Variants in PDE1A observed in about 807,000 individuals in gnomAD.
PDE1A encodes the protein dual specificity calcium/calmodulin-dependent 3',5'-cyclic nucleotide phosphodiesterase 1A.
PDE1A carries 35 observed loss-of-function variants against 61.7 expected under a neutral mutation model. The observed-to-expected ratio is 0.57, with a 90% confidence interval of 0.43 to 0.75. PDE1A has a LOEUF of 0.75. PDE1A is among the 30% of genes least tolerant of loss of function. The pLI is 0.00. For missense variants in PDE1A, 597 were observed against 630.6 expected, an observed-to-expected ratio of 0.95 and a Z score of 0.57; for synonymous variants, 232 against 213.2, an observed-to-expected ratio of 1.09 and a Z score of -0.77.
Position 182,250,188 on chromosome 2 carries a change from C to T in PDE1A, c.168-9896G>A, listed in dbSNP as rs537056856. ...TCTCTATCTCCTCTCTGCCTTGAAA[C>T]TTATGGTTAAAAAGAATTGATCTTA... On this transcript the variant is annotated intron_variant, in intron 2 of 13. Coordinates refer to ENST00000351439, the Ensembl canonical transcript of PDE1A. 2.0e-5 allele frequency among the ~76,000 whole-genome samples: 3 copies of T among 152,286 alleles called. No individual in the cohort carries two copies. The South Asian group carries it at 6.2e-4, about 32-fold the overall frequency.
the PDE1A span, among the ~76,000 whole-genome samples, chr2:182,578,498 A>T: frequency 2.0e-5 from 3 of 152,238 alleles, no homozygotes; most frequent in African/African-American, 7.2e-5. Flanking sequence ...ACCTGGCAAC[A>T]TCTATTTTAA....
chr2:182,212,838 G>C (rs1237253580), intron 7 of PDE1A, among the ~76,000 whole-genome samples: 9 of 152,228 alleles, frequency 5.9e-5, no homozygotes, highest in African/African-American at 2.2e-4. Flanking sequence ...GGAGGCCAGG[G>C]GAGGGGCGCC....
In PDE1A at chr2:182,341,123, T is replaced by A. The variant is rs533851208; in HGVS notation, c.54-76709A>T. ...ATAGTATGTTACTCCTTCAAAGTAC[T>A]CTTATAAACATCAACACTTTCAATC... On this transcript the variant is annotated intron_variant, in intron 1 of 13. Transcript: ENST00000351439. Among the ~76,000 whole-genome samples, 85 of 152,334 alleles carry A rather than the reference T, an allele frequency of 5.6e-4. 2 individuals carry two copies. The South Asian group carries it at 0.017, about 31-fold the overall frequency.
chr2:182,276,296 G>A (rs1274338776), intron 1 of PDE1A, among the ~76,000 whole-genome samples: 1 of 152,070 alleles, frequency 6.6e-6, no homozygotes, highest in Non-Finnish European at 1.5e-5. Flanking sequence ...ACCCCAAACG[G>A]AGGAAGCAGC....
intron 1 of PDE1A, among the ~76,000 whole-genome samples, chr2:182,300,304 C>A (rs1029911207): frequency 6.6e-6 from 1 of 152,166 alleles, no homozygotes; most frequent in Non-Finnish European, 1.5e-5. Context: ...TTCACTGACA[C>A]GTTTTTCATA....
chr2:182,554,627 A>G, the PDE1A span, among the ~76,000 whole-genome samples: 2 of 152,188 alleles, frequency 1.3e-5, no homozygotes, highest in Non-Finnish European at 2.9e-5. Flanking sequence ...AAAGCTTCAT[A>G]ATCTGTAAAA....
At chr2:182,434,852 C>G (rs1193838297) in intron 2 of PDE1A, among the ~76,000 whole-genome samples, 1 of 151,840 alleles carries the variant, frequency 6.6e-6, no homozygotes, top group African/African-American at 2.4e-5. Context: ...AATTCAATAA[C>G]AAAATACACA....
chr2:182,543,239 G>A, the PDE1A span, among the ~76,000 whole-genome samples: 5 of 152,086 alleles, frequency 3.3e-5, no homozygotes, highest in Admixed American at 1.3e-4. Flanking sequence ...TCTCTTAAGT[G>A]TATTTATTAA....
At chr2:182,324,027 A>G (rs113397733) in intron 1 of PDE1A, among the ~76,000 whole-genome samples, 1 of 152,182 alleles carries the variant, frequency 6.6e-6, no homozygotes, top group Non-Finnish European at 1.5e-5. Flanking sequence ...TAAGAACCAT[A>G]GGAGAGTGAA....
the PDE1A span, among the ~76,000 whole-genome samples, chr2:182,599,158 C>G: frequency 5.3e-5 from 8 of 152,134 alleles, no homozygotes; most frequent in African/African-American, 7.2e-5. Flanking sequence ...GAAGGCCCCC[C>G]CTACCCTCAC....
At chr2:182,354,885 G>T (rs904185221) in intron 1 of PDE1A, among the ~76,000 whole-genome samples, 8 of 151,964 alleles carry the variant, frequency 5.3e-5, no homozygotes, top group Admixed American at 4.6e-4. Flanking sequence ...TGGGGTAAGG[G>T]TACTTTTTAA....
intron 2 of PDE1A, among the ~76,000 whole-genome samples, chr2:182,510,341 T>C (rs1324460555): frequency 6.6e-6 from 1 of 152,188 alleles, no homozygotes; most frequent in East Asian, 1.9e-4. Flanking sequence ...TGTGGAATAG[T>C]GTGATTCTCA....
At chr2:182,301,439 C>A (rs1695235198) in intron 1 of PDE1A, among the ~76,000 whole-genome samples, 1 of 152,100 alleles carries the variant, frequency 6.6e-6, no homozygotes. Context: ...CGAAGTGACC[C>A]AGTTGGGTGA....
At chr2:182,170,623 C>A (rs1373116852) in intron 13 of PDE1A, among the ~76,000 whole-genome samples, 2 of 151,968 alleles carry the variant, frequency 1.3e-5, no homozygotes, top group Non-Finnish European at 2.9e-5. Context: ...CATGTATACA[C>A]CTGTGATGCT....
chr2:182,157,596 A>AT (rs1176667689), intron 13 of PDE1A, among the ~76,000 whole-genome samples: 2 of 151,806 alleles, frequency 1.3e-5, no homozygotes, highest in Admixed American at 6.6e-5. Context: ...GTTTCCTTTG[A>AT]TTTTTTTTCT....
chr2:182,462,467 C>T (rs1336794927), intron 2 of PDE1A, among the ~76,000 whole-genome samples: 1 of 151,884 alleles, frequency 6.6e-6, no homozygotes, highest in Non-Finnish European at 1.5e-5. Context: ...TAGGTTTAGG[C>T]TTGATTGTGG....
intron 13 of PDE1A, among the ~76,000 whole-genome samples, chr2:182,174,675 A>G (rs1035039020): frequency 3.9e-5 from 6 of 152,084 alleles, no homozygotes; most frequent in Admixed American, 3.9e-4. Flanking sequence ...TTCAATTAAC[A>G]CCTTAAGATT....
At chr2:182,197,051 T>G (rs955984670) in intron 10 of PDE1A, among the ~76,000 whole-genome samples, 1 of 151,886 alleles carries the variant, frequency 6.6e-6, no homozygotes, top group Non-Finnish European at 1.5e-5. Context: ...GATGTATGTA[T>G]GATACCTCCA....
intron 1 of PDE1A, among the ~76,000 whole-genome samples, chr2:182,374,092 T>C (rs1373236455): frequency 6.6e-6 from 1 of 152,166 alleles, no homozygotes; most frequent in Non-Finnish European, 1.5e-5. Flanking sequence ...GTTCAAAAAA[T>C]TAAAAATTTA....
Sources: gnomAD v4.1 joint callset for allele counts (sites outside exome capture counted in the v4.1 genomes callset) on GRCh38, gnomAD v4.1.1 for gene constraint, MANE v1.5 for transcripts, NCBI Gene and HGNC (gene_info 2026-07-23, HGNC 2026-07-21) for gene names.